DOCK3: variants seen among roughly 807,000 people sequenced by gnomAD.
DOCK3 encodes dedicator of cytokinesis 3.
In DOCK3, 60 loss-of-function variants were observed where a neutral mutation model predicts 265.6. The observed-to-expected ratio is 0.23, with a 90% CI of 0.18 to 0.28. The LOEUF is 0.28. Ranked by LOEUF, DOCK3 falls within the 10% of genes least tolerant of loss-of-function variation. The probability of loss-of-function intolerance (pLI) is 1.00; values close to 1 mark genes in which losing one functional copy is unlikely to be tolerated. For synonymous variants in DOCK3, 881 were observed against 938.0 expected (o/e 0.94, Z 1.11); for missense variants, 1,981 against 2,594.3 (o/e 0.76, Z 5.14).
Position 50,937,079 on chromosome 3 carries a change from C to G in DOCK3, c.315+3002C>G, listed in dbSNP as rs2051406231. ...ATCACCTGAGGTCAGGAGTTTAAGA[C>G]TAGCCTGGCCAATGTGGTGAAACCC... is the stretch of plus-strand genomic sequence containing the variant. On this transcript the variant is annotated intron_variant, in intron 5 of 52. Coordinates refer to ENST00000266037, the MANE Select transcript of DOCK3 (RefSeq NM_004947.5). Among the ~76,000 whole-genome samples the G allele has an allele frequency of 2.0e-5, 3 of 151,096 alleles. No homozygotes were observed. In the South Asian group the frequency reaches 6.3e-4, roughly 32 times the overall value.
At chr3:50,694,963 G>A (rs966296989) in intron 1 of DOCK3, among the ~76,000 whole-genome samples, 4 of 152,180 alleles carry the variant, frequency 2.6e-5, no homozygotes, top group African/African-American at 9.7e-5. Context: ...TCCCTTTGGG[G>A]CAGGCTAGTA....
intron 27 of DOCK3, among the ~76,000 whole-genome samples, chr3:51,296,025 A>G (rs1180295242): frequency 6.6e-6 from 1 of 152,152 alleles, no homozygotes; most frequent in Non-Finnish European, 1.5e-5. Context: ...AATTTTTTTT[A>G]AGAGATGGAG....
rs958432067 is a variant in DOCK3, at chr3:50,764,126, A to AT, written c.38-14540dup. On this transcript the variant is annotated intron_variant, in intron 1 of 52. Transcript: ENST00000266037. ...GTTCTGTGATGAGATGTTGTATTAC[A>AT]TTTTTTTTTCTTGATGGATGGTTTC... 5.3e-5 allele frequency among the ~76,000 whole-genome samples: 8 copies of AT among 151,224 alleles called. No individual in the cohort carries two copies. In the South Asian group the frequency reaches 8.4e-4, roughly 16 times the overall value.
intron 7 of DOCK3, among the ~76,000 whole-genome samples, chr3:51,082,385 C>T (rs1208849004): frequency 3.3e-5 from 5 of 152,178 alleles, no homozygotes; most frequent in African/African-American, 1.2e-4. Context: ...CTGGACCCAG[C>T]ATTGTTCCTG....
chr3:50,850,703 C>T (rs1369391413), intron 3 of DOCK3, among the ~76,000 whole-genome samples: 2 of 152,054 alleles, frequency 1.3e-5, no homozygotes, highest in Non-Finnish European at 2.9e-5. Context: ...TTTTCCCTCT[C>T]TCCTTCTCCT....
In DOCK3 at chr3:51,260,294, A is replaced by C; in HGVS notation, c.2323A>C (p.Ser775Arg). Residue 775 changes from serine to arginine, a missense_variant, in exon 23 of 53, where the codon AGC (serine) becomes CGC (arginine). By Grantham distance (110) the Ser-to-Arg change is moderately radical (BLOSUM62 -1). Transcript: ENST00000266037. Reference sequence around the variant, plus strand: ...CATCCGGTTTGTGCTCAGTCTGGACAGCCGAAACTCAGAAACACTCCTTTT... The same window carrying C: ...CATCCGGTTTGTGCTCAGTCTGGACCGCCGAAACTCAGAAACACTCCTTTT... ...QSIRFVLSLD[S>R]RNSETLLFTQ... 6.2e-7 allele frequency: 1 copy of C among 1,613,936 alleles called. No homozygotes were observed. The highest frequency in any genetic ancestry group is 8.5e-7 in the Non-Finnish European group (1 of 1,179,866).
At chr3:50,702,530 A>T (rs1366439742) in intron 1 of DOCK3, among the ~76,000 whole-genome samples, 1 of 150,700 alleles carries the variant, frequency 6.6e-6, no homozygotes, top group Non-Finnish European at 1.5e-5. Flanking sequence ...CACCCAGCTA[A>T]TTTTTTTTTG....
At chr3:50,896,162 C>T (rs1575471431) in intron 4 of DOCK3, among the ~76,000 whole-genome samples, 1 of 151,802 alleles carries the variant, frequency 6.6e-6, no homozygotes, top group South Asian at 2.1e-4. Context: ...TCCTATTTCT[C>T]CACATCCTCT....
intron 9 of DOCK3, among the ~76,000 whole-genome samples, chr3:51,141,611 G>C (rs1416899591): frequency 6.6e-6 from 1 of 152,002 alleles, no homozygotes; most frequent in African/African-American, 2.4e-5. Flanking sequence ...TAACACCCTT[G>C]TAAAAAATCA....
At chr3:51,163,802 TA>T (rs914216627) in intron 12 of DOCK3, among the ~76,000 whole-genome samples, 19 of 152,192 alleles carry the variant, frequency 1.2e-4, no homozygotes, top group East Asian at 1.9e-4. Flanking sequence ...GATTACAGTA[TA>T]TTTTATATTA....
chr3:51,360,622 C>T lies in DOCK3; in HGVS notation c.4996C>T (p.His1666Tyr), dbSNP rs2086664600. The T allele has an allele frequency of 1.2e-6, 2 of 1,613,892 alleles. No homozygotes were observed. Among genetic ancestry groups the T allele is most frequent in the Non-Finnish European group, 1.7e-6 (2 of 1,179,852 alleles). The change falls in exon 47 of 53, where the codon CAC becomes TAC. Residue 1666 changes from histidine to tyrosine, a missense_variant. Physicochemically the swap from His to Tyr is moderately conservative, Grantham distance 83. Transcript: ENST00000266037. ...PMSPESIKMT[H>Y]RHSPMNLMGT... is the part of the protein sequence containing the mutation. ...GAGTCCGGAGAGCATCAAGATGACC[C>T]ACCGGCACAGGTATGGCCTTAGGGC...
chr3:51,192,845 G>A (rs1212041606), intron 12 of DOCK3, among the ~76,000 whole-genome samples: 2 of 152,098 alleles, frequency 1.3e-5, no homozygotes, highest in East Asian at 3.9e-4. Context: ...CCATCACAGG[G>A]GACTTCACAG....
chr3:50,868,323 C>T (rs900977057), intron 3 of DOCK3, among the ~76,000 whole-genome samples: 9 of 152,146 alleles, frequency 5.9e-5, no homozygotes, highest in Admixed American at 3.3e-4. Context: ...CCGCCCACCT[C>T]GGCCTTCCAA....
At chr3:50,777,590 T>A (rs551738435) in intron 1 of DOCK3, among the ~76,000 whole-genome samples, 1 of 152,304 alleles carries the variant, frequency 6.6e-6, no homozygotes, top group East Asian at 1.9e-4. Context: ...GACTTTTTTT[T>A]AGCAGTGCCT....
At chr3:51,135,735 T>C (rs2084763008) in intron 9 of DOCK3, among the ~76,000 whole-genome samples, 1 of 152,164 alleles carries the variant, frequency 6.6e-6, no homozygotes, top group East Asian at 1.9e-4. Context: ...TTTTATTTTT[T>C]TGGAGACAGG....
chr3:51,201,647 G>C (rs1470796581), intron 12 of DOCK3, among the ~76,000 whole-genome samples: 1 of 152,132 alleles, frequency 6.6e-6, no homozygotes, highest in Non-Finnish European at 1.5e-5. Context: ...CCCAGGAATT[G>C]AACTCAGCTC....
At chr3:51,350,512 C>T in intron 40 of DOCK3, 120 bp downstream of exon 40, 4 of 1,095,238 alleles carry the variant, frequency 3.7e-6, no homozygotes, top group African/African-American at 3.2e-5. Flanking sequence ...AGAGGATAAA[C>T]CAGTTAACAA....
chr3:50,865,120 C>T (rs528583102), intron 3 of DOCK3, among the ~76,000 whole-genome samples: 34 of 152,194 alleles, frequency 2.2e-4, no homozygotes, highest in Non-Finnish European at 3.7e-4. Context: ...TATCTATCCC[C>T]TCAAGCTTTT....
intron 2 of DOCK3, among the ~76,000 whole-genome samples, chr3:50,836,997 A>G (rs1291595842): frequency 1.3e-5 from 2 of 152,130 alleles, no homozygotes; most frequent in Admixed American, 1.3e-4. Flanking sequence ...ATCTGAGACC[A>G]CCTCAGCCTG....
Sources: allele counts gnomAD v4.1 joint callset (sites outside exome capture counted in the v4.1 genomes callset), GRCh38; gene constraint gnomAD v4.1.1; transcripts MANE v1.5; gene names NCBI Gene and HGNC (gene_info 2026-07-23, HGNC 2026-07-21).